Variants in TTC7B observed in about 807,000 individuals in gnomAD.
TTC7B encodes tetratricopeptide repeat domain 7B.
A neutral mutation model predicts 106.8 loss-of-function variants in TTC7B; 28 were observed. That is an observed-to-expected ratio of 0.26 (90% confidence interval 0.19 to 0.36). TTC7B has a LOEUF of 0.36. Among genes scored for constraint, TTC7B ranks in the 10% least tolerant of loss-of-function variants. The pLI, the probability that TTC7B is intolerant of heterozygous loss-of-function variation, is 1.00. For missense variants in TTC7B, 862 were observed against 1,076.4 expected (o/e 0.80, Z 2.79); for synonymous variants, 405 against 430.6 (o/e 0.94, Z 0.74).
intron 15 of TTC7B, among the ~76,000 whole-genome samples, chr14:90,631,552 G>T (rs1884705010): frequency 1.3e-5 from 2 of 151,608 alleles, no homozygotes; most frequent in African/African-American, 4.9e-5. Flanking sequence ...GAGACTACAG[G>T]CACATGTTAC....
intron 7 of TTC7B, among the ~76,000 whole-genome samples, chr14:90,683,572 A>C (rs1328897602): frequency 6.6e-6 from 1 of 152,202 alleles, no homozygotes; most frequent in Non-Finnish European, 1.5e-5. Flanking sequence ...GTCTGATGTA[A>C]GGACTATCGA....
chr14:90,643,099 C>T (rs925428892), intron 15 of TTC7B, among the ~76,000 whole-genome samples: 1 of 152,160 alleles, frequency 6.6e-6, no homozygotes, highest in Non-Finnish European at 1.5e-5. Context: ...TCACTACATT[C>T]TAATGTACAT....
At position 90,652,870 on chromosome 14, in the gene TTC7B, T is replaced by C. The variant is rs754800619; in HGVS notation, c.1488A>G (p.Leu496=). ...GAAATGCAAGAAGCGCCTTTCTCTG[T>C]AGGACCTCCTGCATCCCTCGCAAAG... The part of the protein sequence containing the change: ...DASLRGMQEV[L]QRKALLAFQR... Residue 496 remains leucine (L), a synonymous_variant, in exon 13 of 20, where the codon CTA becomes CTG. Transcript: ENST00000328459. 5 of 1,614,256 alleles carry C rather than the reference T, an allele frequency of 3.1e-6. No homozygotes were observed. Among genetic ancestry groups the C allele is most frequent in the Non-Finnish European group, 4.2e-6 (5 of 1,180,050 alleles).
At chr14:90,655,880 G>A (rs993744739) in intron 11 of TTC7B, among the ~76,000 whole-genome samples, 1 of 152,002 alleles carries the variant, frequency 6.6e-6, no homozygotes, top group South Asian at 2.1e-4. Flanking sequence ...AAAAAAAAGA[G>A]GTCTATTTAA....
At chr14:90,688,485 T>C (rs1054589607) in intron 7 of TTC7B, among the ~76,000 whole-genome samples, 14 of 152,038 alleles carry the variant, frequency 9.2e-5, no homozygotes, top group African/African-American at 3.4e-4. Context: ...TAGCCAGGCA[T>C]GGTGGCACGC....
intron 3 of TTC7B, chr14:90,773,040 A>G (rs1043729775): frequency 6.6e-6 from 1 of 152,242 alleles, no homozygotes; most frequent in African/African-American, 2.4e-5. Flanking sequence ...GGACAGCTAG[A>G]AGTATTGCTG....
In TTC7B at chr14:90,531,117, T is replaced by C. The variant is rs1388688045; in HGVS notation, c.*10251A>G. ...GAAGTTGTTATGAGATTAAAATATATTGTTATAACTTAAAAAAGAAAGAAA... is the reference window on the plus strand; with the variant it reads ...GAAGTTGTTATGAGATTAAAATATACTGTTATAACTTAAAAAAGAAAGAAA... On this transcript the variant is annotated 3_prime_UTR_variant, in exon 20 of 20. Coordinates refer to ENST00000328459, the MANE Select transcript of TTC7B (RefSeq NM_001010854.2). 2 of 152,226 alleles carry C rather than the reference T, an allele frequency of 1.3e-5. No homozygotes were observed. The highest frequency in any genetic ancestry group is 4.8e-5 in the African/African-American group (2 of 41,456). 9.4% of individuals were successfully genotyped at this position (152,226 alleles called of 1,614,324 possible).
rs1889125990 is a variant in TTC7B at position 90,525,474 on chromosome 14, C to G, written c.*15894G>C. 4.2e-5 allele frequency: 6 copies of G among 143,914 alleles called. No individual in the cohort carries two copies. The highest frequency in any genetic ancestry group is 4.1e-4 in the Admixed American group (6 of 14,784). 8.9% of individuals were successfully genotyped at this position (143,914 alleles called of 1,614,324 possible). On this transcript the variant is annotated 3_prime_UTR_variant, in exon 20 of 20. Transcript: ENST00000328459. ...TGCTGCGTGTCCCTTTCTGAGGCCT[C>G]GGACCGCACCGCTTTCGCCCTGCGG...
At chr14:90,638,272 A>G (rs998377274) in intron 15 of TTC7B, among the ~76,000 whole-genome samples, 1 of 152,246 alleles carries the variant, frequency 6.6e-6, no homozygotes, top group Non-Finnish European at 1.5e-5. Flanking sequence ...AGTTAAAAAA[A>G]TGGAAAGATT....
At chr14:90,751,094 C>G (rs139698161) in intron 3 of TTC7B, among the ~76,000 whole-genome samples, 2 of 152,214 alleles carry the variant, frequency 1.3e-5, no homozygotes, top group East Asian at 1.9e-4. Context: ...CAGAGACATG[C>G]CTGACAAAAA....
chr14:90,770,352 C>T (rs566322805), intron 3 of TTC7B, among the ~76,000 whole-genome samples: 1 of 152,302 alleles, frequency 6.6e-6, no homozygotes, highest in African/African-American at 2.4e-5. Context: ...ATAACCCTCT[C>T]TTAAGAATGA....
At chr14:90,651,277 A>T (rs1775955347) in intron 13 of TTC7B, among the ~76,000 whole-genome samples, 1 of 152,252 alleles carries the variant, frequency 6.6e-6, no homozygotes, top group African/African-American at 2.4e-5. Flanking sequence ...TTTCACACAA[A>T]TTCTAATTTA....
intron 15 of TTC7B, among the ~76,000 whole-genome samples, chr14:90,636,503 A>C (rs1348705421): frequency 1.3e-5 from 2 of 151,818 alleles, no homozygotes; most frequent in African/African-American, 4.8e-5. Context: ...ACAAATGATA[A>C]AGTAGAAAAA....
At chr14:90,541,611 A>G (rs1015044527) in intron 19 of TTC7B, 22 bp from the exon 20 acceptor site, 2 of 1,531,600 alleles carry the variant, frequency 1.3e-6, no homozygotes, top group East Asian at 2.3e-5. Context: ...AGAGAGAGAG[A>G]GAGACAGTCA....
chr14:90,678,256 A>C (rs1886917852), intron 8 of TTC7B, among the ~76,000 whole-genome samples: 1 of 152,234 alleles, frequency 6.6e-6, no homozygotes, highest in Non-Finnish European at 1.5e-5. Context: ...AAGTTCTTAT[A>C]ATCCCATTCT....
At chr14:90,653,188 C>A (rs1405177756) in intron 12 of TTC7B, among the ~76,000 whole-genome samples, 2 of 152,206 alleles carry the variant, frequency 1.3e-5, no homozygotes, top group Non-Finnish European at 1.5e-5. Context: ...TGCAAAAGAC[C>A]AGTTGGGAAC....
rs1889188869 is a variant in TTC7B, at chr14:90,528,048, A to G, written c.*13320T>C. The G allele has an allele frequency of 6.6e-6, 1 of 152,034 alleles. No individual in the cohort carries two copies. The highest frequency in any genetic ancestry group is 6.5e-5 in the Admixed American group (1 of 15,272). The allele number at this position is 152,034 out of a possible 1,614,324, so 9.4% of individuals were successfully genotyped here. ...CAAGGTTGGCATATGTTGTATGAAT[A>G]AGAGCTTCCGTATGTGATAAGGTTT... On this transcript the variant is annotated 3_prime_UTR_variant, in exon 20 of 20. Coordinates refer to ENST00000328459, the MANE Select transcript of TTC7B (RefSeq NM_001010854.2).
At chr14:90,662,595 G>A (rs984826127) in intron 9 of TTC7B, among the ~76,000 whole-genome samples, 2 of 152,172 alleles carry the variant, frequency 1.3e-5, no homozygotes, top group Non-Finnish European at 2.9e-5. Context: ...ACAGTTTCAA[G>A]GTGCACAACA....
At chr14:90,645,887 C>T (rs1644900132) in intron 14 of TTC7B, among the ~76,000 whole-genome samples, 1 of 152,112 alleles carries the variant, frequency 6.6e-6, no homozygotes, top group African/African-American at 2.4e-5. Flanking sequence ...AACCTACAGT[C>T]CAGTGAGAAA....
Sources: allele counts gnomAD v4.1 joint callset (sites outside exome capture counted in the v4.1 genomes callset), GRCh38; gene constraint gnomAD v4.1.1; transcripts MANE v1.5; gene names NCBI Gene and HGNC (gene_info 2026-07-23, HGNC 2026-07-21).